The following MEGF6 variants were observed in gnomAD, a reference collection of about 807,000 sequenced individuals.
MEGF6 encodes multiple EGF like domains 6, also known as multiple epidermal growth factor-like domains protein 6.
A neutral mutation model predicts 207.1 loss-of-function variants in MEGF6; 184 were observed. The ratio of observed to expected loss-of-function variants is 0.89; its 90% confidence interval spans 0.79 to 1.00. MEGF6 has a LOEUF of 1.00. MEGF6 is among the 50% of genes least tolerant of loss of function. The pLI, the probability that MEGF6 is intolerant of heterozygous loss-of-function variation, is 0.00. For missense variants in MEGF6, 2,282 were observed against 2,202.9 expected, an observed-to-expected ratio of 1.04 and a Z score of -0.72; for synonymous variants, 1,038 against 910.0, an observed-to-expected ratio of 1.14 and a Z score of -2.53.
rs1378674302 is a variant in MEGF6, at chr1:3,501,211, G to A, written c.2412C>T (p.Cys804=). 1 of 1,612,258 alleles carries A rather than the reference G, an allele frequency of 6.2e-7. No homozygotes were observed. Among genetic ancestry groups the A allele is most frequent in the Non-Finnish European group, 8.5e-7 (1 of 1,179,788 alleles). Residue 804 remains cysteine (C), a synonymous_variant, in exon 19 of 37, where the codon TGC becomes TGT. Coordinates refer to ENST00000356575, the MANE Select transcript of MEGF6 (RefSeq NM_001409.4). ...AGCGGCTGCCGACGAAGCCAGGGAG[G>A]CACAGGCAGGCTCCGGTCTCAGGGT... ...RCDPETGACL[C]LPGFVGSRCQ... is the part of the protein sequence containing the mutation.
intron 4 of MEGF6, among the ~76,000 whole-genome samples, chr1:3,550,056 G>A (rs983545002): frequency 2.7e-4 from 41 of 152,178 alleles, no homozygotes; most frequent in African/African-American, 9.4e-4. Context: ...GAAGGGTGGT[G>A]AGGGGAAGGC....
intron 24 of MEGF6, 126 bp from the exon 25 acceptor site, chr1:3,498,952 G>A: frequency 7.0e-7 from 1 of 1,421,464 alleles, no homozygotes; most frequent in East Asian, 2.5e-5. Context: ...CCCCTAGGAT[G>A]ACCTGCCAGC....
At chr1:3,576,572 G>A (rs1215642994) in intron 4 of MEGF6, among the ~76,000 whole-genome samples, 1 of 152,130 alleles carries the variant, frequency 6.6e-6, no homozygotes, top group Non-Finnish European at 1.5e-5. Flanking sequence ...GGGACAGGAA[G>A]GTGATGGTGA....
chr1:3,502,243 T>G (rs923878360), intron 17 of MEGF6, among the ~76,000 whole-genome samples: 5 of 151,846 alleles, frequency 3.3e-5, no homozygotes, highest in African/African-American at 1.2e-4. Context: ...GGGGCAGGGC[T>G]GCTGGGGCAG....
intron 4 of MEGF6, among the ~76,000 whole-genome samples, chr1:3,576,557 G>C (rs1017274270): frequency 6.6e-6 from 1 of 152,108 alleles, no homozygotes; most frequent in Non-Finnish European, 1.5e-5. Flanking sequence ...ACCCAGAGTG[G>C]AGGAGGGACA....
At chr1:3,532,063 C>T (rs889012761) in intron 4 of MEGF6, among the ~76,000 whole-genome samples, 24 of 152,330 alleles carry the variant, frequency 1.6e-4, no homozygotes, top group Middle Eastern at 3.4e-3. Flanking sequence ...CAGGTGGTGA[C>T]GGACAGAGAG....
chr1:3,544,845 G>C (rs1449527400), intron 4 of MEGF6, among the ~76,000 whole-genome samples: 1 of 152,192 alleles, frequency 6.6e-6, no homozygotes, highest in Non-Finnish European at 1.5e-5. Context: ...CAGCGGGGCA[G>C]AGGAGCCCAT....
chr1:3,545,049 T>C (rs751297756), intron 4 of MEGF6, among the ~76,000 whole-genome samples: 33 of 152,082 alleles, frequency 2.2e-4, no homozygotes, highest in Non-Finnish European at 3.4e-4. Context: ...CTGTGTCCCA[T>C]GGCTTGGCGG....
At chr1:3,609,461 T>C (rs949727602) in intron 1 of MEGF6, among the ~76,000 whole-genome samples, 2 of 152,194 alleles carry the variant, frequency 1.3e-5, no homozygotes, top group African/African-American at 4.8e-5. Flanking sequence ...CTCTCGCTGG[T>C]GGACGATCTG....
intron 3 of MEGF6, among the ~76,000 whole-genome samples, chr1:3,580,999 T>C (rs1214232102): frequency 6.6e-6 from 1 of 152,050 alleles, no homozygotes; most frequent in East Asian, 1.9e-4. Flanking sequence ...TCGTGTCAGC[T>C]GAGAGGAAGA....
At chr1:3,562,966 G>C (rs890907083) in intron 4 of MEGF6, among the ~76,000 whole-genome samples, 1 of 152,098 alleles carries the variant, frequency 6.6e-6, no homozygotes, top group Non-Finnish European at 1.5e-5. Context: ...CCAGGCCATG[G>C]CTGGAGGAAG....
chr1:3,501,353 C>T (rs1157042461), intron 18 of MEGF6, 45 bp from the exon 19 acceptor site: 5 of 1,558,180 alleles, frequency 3.2e-6, no homozygotes, highest in East Asian at 2.4e-5. Context: ...GCTGCCCTTG[C>T]TCAACACATC....
At chr1:3,512,441 C>T (rs1483924752) in intron 7 of MEGF6, among the ~76,000 whole-genome samples, 1 of 152,230 alleles carries the variant, frequency 6.6e-6, no homozygotes, top group Non-Finnish European at 1.5e-5. Flanking sequence ...GGCCATCCGG[C>T]GGGGGCCTGA....
rs756981059 is a variant in MEGF6, at chr1:3,501,915, G to A, written c.2195C>T (p.Pro732Leu). 3.1e-5 allele frequency: 49 copies of A among 1,590,920 alleles called. No homozygotes were observed. The East Asian group carries it at 4.8e-4, about 16-fold the overall frequency. Reference protein sequence around the residue: ...FQGEDCGQECPVGTFGVNCSS... With the variant: ...FQGEDCGQECLVGTFGVNCSS... ...GCAGTTCACGCCAAACGTCCCCACC[G>A]GGCACTCTGCAGGAGAAAGCACGAG... The change falls in exon 18 of 37, where the codon CCG becomes CTG. Residue 732 changes from proline (P) to leucine (L), a missense_variant. Pro to Leu is a moderately conservative substitution (Grantham distance 98, BLOSUM62 -3). Coordinates refer to ENST00000356575, the MANE Select transcript of MEGF6 (RefSeq NM_001409.4).
chr1:3,563,126 CCT>C lies in MEGF6; in HGVS notation c.481+16697_481+16698del, dbSNP rs544086394. Among the ~76,000 whole-genome samples the C allele has an allele frequency of 4.1e-4, 63 of 152,298 alleles. No homozygotes were observed. In the East Asian group the frequency reaches 6.0e-3, roughly 14 times the overall value. On this transcript the variant is annotated intron_variant, in intron 4 of 36. Coordinates refer to ENST00000356575, the MANE Select transcript of MEGF6 (RefSeq NM_001409.4). ...CTGTTGAGCAGCCCTGCCCCTGCCC[CCT>C]GTGTGCAAGCCCAGCGCCGGCCCCT...
chr1:3,492,148 G>A (rs1277929467), intron 35 of MEGF6, among the ~76,000 whole-genome samples: 1 of 152,046 alleles, frequency 6.6e-6, no homozygotes, highest in Non-Finnish European at 1.5e-5. Context: ...CACACTGGGT[G>A]CCACACACAT....
rs1428923388 is a variant in MEGF6 at position 3,611,154 on chromosome 1, G to C, written c.115C>G (p.Pro39Ala). The C allele has an allele frequency of 6.5e-7, 1 of 1,528,268 alleles. No homozygotes were observed. The highest frequency in any genetic ancestry group is 1.4e-5 in the African/African-American group (1 of 70,398). The allele number at this position is 1,528,268 out of a possible 1,614,324, so 94.7% of individuals were successfully genotyped here. A position where few individuals can be genotyped will look rare whatever the true frequency, so the allele number is the denominator to read the frequency against. Residue 39 changes from proline to alanine, a missense_variant, in exon 1 of 37, where the codon CCG becomes GCG. By Grantham distance (27) the Pro-to-Ala change is conservative. Transcript: ENST00000356575. ...GCTACTCACATGCCGGGCTGCAGCGGGAGCAGGGGCCGCGGCGGAACGCTG... is the reference window on the plus strand; with the variant it reads ...GCTACTCACATGCCGGGCTGCAGCGCGAGCAGGGGCCGCGGCGGAACGCTG... ...GASVPPRPLL[P>A]LQPGMPHVCA...
In MEGF6 at chr1:3,521,720, G is replaced by A. The variant is rs921413435; in HGVS notation, c.604+2404C>T. 7.9e-5 allele frequency among the ~76,000 whole-genome samples: 12 copies of A among 152,256 alleles called. No homozygotes were observed. In the East Asian group the frequency reaches 2.3e-3, roughly 30 times the overall value. ...CCCATGCCTATCCTGGAAACTCCCG[G>A]GAGACCGAGGAACCGGCCCCACCCT... On this transcript the variant is annotated intron_variant, in intron 5 of 36. Coordinates refer to ENST00000356575, the MANE Select transcript of MEGF6 (RefSeq NM_001409.4).
At chr1:3,591,958 G>A (rs115221070) in intron 3 of MEGF6, among the ~76,000 whole-genome samples, 2,308 of 151,934 alleles carry the variant, frequency 0.015, 63 homozygotes, top group South Asian at 0.083. Context: ...ACTGAGCCAT[G>A]TTTTCCACTC....
Sources: gnomAD v4.1 joint callset for allele counts (sites outside exome capture counted in the v4.1 genomes callset) on GRCh38, gnomAD v4.1.1 for gene constraint, MANE v1.5 for transcripts, NCBI Gene and HGNC (gene_info 2026-07-23, HGNC 2026-07-21) for gene names.